TNKS: variants seen among roughly 807,000 people sequenced by gnomAD.
TNKS encodes the protein poly [ADP-ribose] polymerase tankyrase-1.
TNKS carries 72 observed loss-of-function variants against 135.8 expected under a neutral mutation model. The ratio of observed to expected loss-of-function variants is 0.53; its 90% CI spans 0.44 to 0.64. The LOEUF (loss-of-function observed/expected upper bound fraction) is 0.64, where lower values mean the gene tolerates loss of function less well. Among genes scored for constraint, TNKS ranks in the 30% least tolerant of loss-of-function variants. The pLI is 0.00. For synonymous variants in TNKS, 849 were observed against 649.3 expected (o/e 1.31, Z -4.68); for missense variants, 1,769 against 1,674.0 (o/e 1.06, Z -0.99).
rs563550166 is a variant in TNKS, at chr8:9,568,892, T to A, written c.674-11267T>A. 4.3e-3 allele frequency among the ~76,000 whole-genome samples: 649 copies of A among 152,364 alleles called. 1 individual carries two copies. The highest frequency in any genetic ancestry group is 0.015 in the African/African-American group (605 of 41,594). The stretch of plus-strand genomic sequence containing the variant: ...CTGAAGCCAAATCAGTGAATTTTTT[T>A]ATACTTCTGCTGTGTTAGAATCCAT... On this transcript the variant is annotated intron_variant, in intron 1 of 26. Coordinates refer to ENST00000310430, the MANE Select transcript of TNKS (RefSeq NM_003747.3).
At chr8:9,618,080 G>T (rs1425829873) in intron 3 of TNKS, among the ~76,000 whole-genome samples, 1 of 149,970 alleles carries the variant, frequency 6.7e-6, no homozygotes, top group South Asian at 2.1e-4. Context: ...TCCGTCTCCC[G>T]GGTTCAAGCG....
At chr8:9,625,626 C>T (rs1313463447) in intron 3 of TNKS, among the ~76,000 whole-genome samples, 1 of 151,894 alleles carries the variant, frequency 6.6e-6, no homozygotes, top group Admixed American at 6.6e-5. Flanking sequence ...TTAAATTTCT[C>T]TTGAGATTTC....
intron 1 of TNKS, among the ~76,000 whole-genome samples, chr8:9,559,105 A>T (rs1563376772): frequency 6.6e-6 from 1 of 152,216 alleles, no homozygotes; most frequent in African/African-American, 2.4e-5. Context: ...TACTGACACA[A>T]TTGTGTAATG....
At chr8:9,712,449 C>T (rs1162250680) in intron 11 of TNKS, among the ~76,000 whole-genome samples, 1 of 151,972 alleles carries the variant, frequency 6.6e-6, no homozygotes, top group East Asian at 1.9e-4. Flanking sequence ...CACTGTACTG[C>T]AGCCTGGGCA....
chr8:9,720,201 T>C (rs1237134333), intron 11 of TNKS, among the ~76,000 whole-genome samples, 173 bp from the exon 12 acceptor site: 1 of 152,158 alleles, frequency 6.6e-6, no homozygotes. Flanking sequence ...GAAGGGTAAC[T>C]AAAAAGAAGA....
chr8:9,772,604 G>C (rs1289729507), intron 26 of TNKS, among the ~76,000 whole-genome samples: 2 of 151,970 alleles, frequency 1.3e-5, no homozygotes, highest in African/African-American at 2.4e-5. Flanking sequence ...GGAAGAGAAA[G>C]TACATTATTA....
rs5889287 is a variant in TNKS at position 9,586,722 on chromosome 8, CGTGTGTGTGTGTGTGT to C, written c.898+6364_898+6379del. ...TAGTCTATATAATTTATATCTAAAACGTGTGTGTGTGTGTGTGTGTGTGTGTGTGTGTGTGTGTGTA... is the reference window on the plus strand; with the variant it reads ...TAGTCTATATAATTTATATCTAAAACGTGTGTGTGTGTGTGTGTGTGTGTA... On this transcript the variant is annotated intron_variant, in intron 2 of 26. Transcript: ENST00000310430. Among the ~76,000 whole-genome samples, 324 of 143,292 alleles carry C rather than the reference CGTGTGTGTGTGTGTGT, an allele frequency of 2.3e-3. 4 individuals carry two copies. Among genetic ancestry groups the C allele is most frequent in the African/African-American group, 7.6e-3 (300 of 39,284 alleles). 94.0% of individuals were successfully genotyped at this position (143,292 alleles called of 152,430 possible).
chr8:9,691,058 G>T (rs947980143), intron 5 of TNKS, among the ~76,000 whole-genome samples: 1 of 152,112 alleles, frequency 6.6e-6, no homozygotes, highest in Non-Finnish European at 1.5e-5. Context: ...GCTCAATTTA[G>T]GGTGTCACAT....
At chr8:9,718,492 G>T (rs1463464791) in intron 11 of TNKS, among the ~76,000 whole-genome samples, 1 of 152,096 alleles carries the variant, frequency 6.6e-6, no homozygotes, top group Non-Finnish European at 1.5e-5. Flanking sequence ...TGGTCTGCTT[G>T]CCGGTTTCCA....
At chr8:9,635,016 A>T (rs960712147) in intron 3 of TNKS, among the ~76,000 whole-genome samples, 17 of 152,062 alleles carry the variant, frequency 1.1e-4, no homozygotes, top group Non-Finnish European at 1.2e-4. Flanking sequence ...ATACAAAAAA[A>T]AATATTAGCC....
chr8:9,657,618 C>T (rs1801458438), intron 3 of TNKS, among the ~76,000 whole-genome samples: 1 of 89,232 alleles, frequency 1.1e-5, no homozygotes, highest in Non-Finnish European at 2.4e-5. Context: ...CCCCTACCTC[C>T]CTCCTGGACG....
At position 9,734,916 on chromosome 8, in the gene TNKS, T is replaced by C. The variant is rs757681109; in HGVS notation, c.2365T>C (p.Leu789=). 6.2e-7 allele frequency: 1 copy of C among 1,614,126 alleles called. No individual in the cohort carries two copies. Among genetic ancestry groups the C allele is most frequent in the South Asian group, 1.1e-5 (1 of 91,080 alleles). Residue 789 remains leucine (L), a synonymous_variant, in exon 16 of 27, where the codon TTG becomes CTG. Transcript: ENST00000310430. ...KNRDGNTPLD[L]VKEGDTDIQD... is the part of the protein sequence containing the mutation. The stretch of plus-strand genomic sequence containing the variant: ...CAGAGATGGAAATACACCTTTGGAT[T>C]TGGTAAAGGAAGGAGACACAGATAT...
At chr8:9,664,679 G>C (rs1801905263) in intron 3 of TNKS, among the ~76,000 whole-genome samples, 2 of 152,312 alleles carry the variant, frequency 1.3e-5, no homozygotes, top group South Asian at 4.1e-4. Context: ...ATTATGAACT[G>C]CATTTAGAGA....
At chr8:9,691,172 A>G (rs1049536838) in intron 5 of TNKS, among the ~76,000 whole-genome samples, 1 of 152,264 alleles carries the variant, frequency 6.6e-6, no homozygotes, top group Admixed American at 6.5e-5. Flanking sequence ...TAGTTCAAGA[A>G]GAGACCAAGT....
chr8:9,719,181 T>C (rs1035162340), intron 11 of TNKS, among the ~76,000 whole-genome samples: 2 of 152,216 alleles, frequency 1.3e-5, no homozygotes, highest in Non-Finnish European at 2.9e-5. Context: ...CATGGGAGTT[T>C]TGTGAAAGAC....
rs564366237 is a variant in TNKS, at chr8:9,660,890, C to T, written c.995-19061C>T. ...AGCTGATAAGCAACTTCAGCAAAGTCTCAGGATACAAAATCAATGTGCAAA... is the reference window on the plus strand; with the variant it reads ...AGCTGATAAGCAACTTCAGCAAAGTTTCAGGATACAAAATCAATGTGCAAA... On this transcript the variant is annotated intron_variant, in intron 3 of 26. Coordinates refer to ENST00000310430, the MANE Select transcript of TNKS (RefSeq NM_003747.3). 6.6e-5 allele frequency among the ~76,000 whole-genome samples: 10 copies of T among 152,088 alleles called. No homozygotes were observed. The South Asian group carries it at 2.1e-3, about 32-fold the overall frequency.
intron 11 of TNKS, among the ~76,000 whole-genome samples, chr8:9,717,676 C>T (rs1164693147): frequency 6.6e-6 from 1 of 152,106 alleles, no homozygotes; most frequent in Non-Finnish European, 1.5e-5. Context: ...GTACTTACTG[C>T]TGAGAGGATG....
chr8:9,748,098 C>T lies in TNKS; in HGVS notation c.2718C>T (p.Pro906=), dbSNP rs1247294407. The T allele has an allele frequency of 6.2e-7, 1 of 1,613,954 alleles. No homozygotes were observed. The highest frequency in any genetic ancestry group is 8.5e-7 in the Non-Finnish European group (1 of 1,180,028). ...CAACAGATAAGTGGGCGTTTACTCC[C>T]CTCCATGAAGCAGCCCAGAAAGGAA... ...VNATDKWAFT[P]LHEAAQKGRT... is the part of the protein sequence containing the mutation. The change falls in exon 18 of 27, where the codon CCC becomes CCT. Residue 906 remains proline, a synonymous_variant. Coordinates refer to ENST00000310430, the MANE Select transcript of TNKS (RefSeq NM_003747.3).
At chr8:9,566,865 C>T (rs1797565382) in intron 1 of TNKS, among the ~76,000 whole-genome samples, 1 of 151,950 alleles carries the variant, frequency 6.6e-6, no homozygotes, top group South Asian at 2.1e-4. Context: ...GCCTCGGCCT[C>T]CCAAAGTGCT....
Sources: gnomAD v4.1 joint callset for allele counts (sites outside exome capture counted in the v4.1 genomes callset) on GRCh38, gnomAD v4.1.1 for gene constraint, MANE v1.5 for transcripts, NCBI Gene and HGNC (gene_info 2026-07-23, HGNC 2026-07-21) for gene names.